Variants in PDE11A observed in about 807,000 individuals in gnomAD.
PDE11A encodes the protein phosphodiesterase 11A.
A neutral mutation model predicts 100.5 loss-of-function variants in PDE11A; 100 were observed. The ratio of observed to expected loss-of-function variants is 1.00; its 90% CI spans 0.85 to 1.18. PDE11A has a LOEUF of 1.18. Ranked by LOEUF, PDE11A falls within the 50% of genes most tolerant of loss-of-function variation. The probability of loss-of-function intolerance (pLI) is 0.00; values close to 1 mark genes in which losing one functional copy is unlikely to be tolerated. For missense variants in PDE11A, 1,141 were observed against 1,152.6 expected, an observed-to-expected ratio of 0.99 and a Z score of 0.15; for synonymous variants, 381 against 420.8, an observed-to-expected ratio of 0.91 and a Z score of 1.16.
At chr2:177,745,082 G>T (rs1165869005) in intron 10 of PDE11A, among the ~76,000 whole-genome samples, 2 of 152,050 alleles carry the variant, frequency 1.3e-5, no homozygotes, top group Admixed American at 1.3e-4. Flanking sequence ...ATTTTATATT[G>T]CCCCAGCATT....
intron 16 of PDE11A, among the ~76,000 whole-genome samples, chr2:177,678,147 T>C (rs2080807770): frequency 6.6e-6 from 1 of 152,214 alleles, no homozygotes; most frequent in Non-Finnish European, 1.5e-5. Flanking sequence ...AGAATGAAAG[T>C]ATCTCAAGTT....
chr2:177,870,491 C>T (rs1027671905), intron 5 of PDE11A, among the ~76,000 whole-genome samples: 63 of 152,320 alleles, frequency 4.1e-4, no homozygotes, highest in African/African-American at 1.5e-3. Context: ...GTCACTAAGA[C>T]ATCACTGGTA....
At chr2:177,683,924 T>C (rs2080904309) in intron 15 of PDE11A, among the ~76,000 whole-genome samples, 1 of 152,166 alleles carries the variant, frequency 6.6e-6, no homozygotes. Flanking sequence ...TCCAGCTTTG[T>C]AGTGAGAAAT....
chr2:177,688,373 C>G (rs915145846), intron 15 of PDE11A: 9 of 152,206 alleles, frequency 5.9e-5, no homozygotes, highest in African/African-American at 1.7e-4. Context: ...CTTTTGGGAA[C>G]AAGTTTGCCT....
At chr2:177,989,455 T>G (rs2105808672) in intron 2 of PDE11A, among the ~76,000 whole-genome samples, 1 of 152,322 alleles carries the variant, frequency 6.6e-6, no homozygotes, top group South Asian at 2.1e-4. Context: ...AGGATACTTT[T>G]TCTGTAAATT....
At chr2:177,980,058 T>C (rs575657151) in intron 2 of PDE11A, among the ~76,000 whole-genome samples, 1 of 150,650 alleles carries the variant, frequency 6.6e-6, no homozygotes, top group East Asian at 1.9e-4. Context: ...GCCCTCCTTC[T>C]TGAAACTCCT....
At chr2:177,944,128 T>C (rs2085375861) in intron 2 of PDE11A, among the ~76,000 whole-genome samples, 1 of 152,180 alleles carries the variant, frequency 6.6e-6, no homozygotes. Flanking sequence ...GCATGATTTA[T>C]TCTGGAATCT....
intron 5 of PDE11A, among the ~76,000 whole-genome samples, chr2:177,865,174 A>T (rs923493661): frequency 4.6e-5 from 7 of 151,992 alleles, no homozygotes; most frequent in Non-Finnish European, 7.4e-5. Context: ...GCTACTCAGG[A>T]GGGTGAGGCA....
At chr2:177,747,732 G>A (rs1364869465) in intron 10 of PDE11A, among the ~76,000 whole-genome samples, 2 of 152,130 alleles carry the variant, frequency 1.3e-5, no homozygotes, top group Non-Finnish European at 2.9e-5. Context: ...CGTATTGCCT[G>A]TAGCATTCGG....
At chr2:177,782,333 T>A (rs2082465621) in intron 9 of PDE11A, among the ~76,000 whole-genome samples, 1 of 152,194 alleles carries the variant, frequency 6.6e-6, no homozygotes, top group African/African-American at 2.4e-5. Flanking sequence ...ATGTGGGGTT[T>A]GTGTTTAAAC....
intron 1 of PDE11A, among the ~76,000 whole-genome samples, chr2:178,028,839 C>T (rs955484703): frequency 1.3e-5 from 2 of 152,150 alleles, no homozygotes; most frequent in African/African-American, 4.8e-5. Context: ...TTCTATAAAT[C>T]TCAATTCATT....
chr2:177,704,404 ATTT>A (rs2081248228), intron 13 of PDE11A, among the ~76,000 whole-genome samples: 1 of 151,860 alleles, frequency 6.6e-6, no homozygotes, highest in Non-Finnish European at 1.5e-5. Context: ...TGGATCCCTT[ATTT>A]ACACTATTAG....
chr2:177,811,834 G>A (rs1482894967), intron 9 of PDE11A, among the ~76,000 whole-genome samples: 2 of 152,192 alleles, frequency 1.3e-5, no homozygotes, highest in Non-Finnish European at 2.9e-5. Flanking sequence ...CCCTGGAGCA[G>A]CTGCACTTGC....
At chr2:178,000,250 T>C (rs1378509794) in intron 2 of PDE11A, among the ~76,000 whole-genome samples, 1 of 152,182 alleles carries the variant, frequency 6.6e-6, no homozygotes, top group Non-Finnish European at 1.5e-5. Flanking sequence ...TCCAAGTAGA[T>C]TTTCTAAATC....
At chr2:177,723,908 C>T (rs60466086) in intron 12 of PDE11A, among the ~76,000 whole-genome samples, 31 of 152,114 alleles carry the variant, frequency 2.0e-4, no homozygotes, top group East Asian at 3.9e-4. Context: ...GAGTCATTTC[C>T]GATATCTAGT....
At chr2:178,015,291 TAC>T (rs1336518069) in intron 1 of PDE11A, among the ~76,000 whole-genome samples, 1 of 152,152 alleles carries the variant, frequency 6.6e-6, no homozygotes, top group East Asian at 1.9e-4. Flanking sequence ...TCACCAAGAA[TAC>T]AGTGTTCTTG....
rs572550987 is a variant in PDE11A at position 177,624,029 on chromosome 2, C to T, written c.*5378G>A. The T allele has an allele frequency of 6.6e-5, 10 of 152,340 alleles. No individual in the cohort carries two copies. The highest frequency in any genetic ancestry group is 2.4e-4 in the African/African-American group (10 of 41,584). 9.4% of individuals were successfully genotyped at this position (152,340 alleles called of 1,614,324 possible). ...ATATGTTTTATTCTATTATTCTTCA[C>T]TTAGGAAGCTGGTGCAATTTTGGCC... On this transcript the variant is annotated 3_prime_UTR_variant, in exon 20 of 20. Transcript: ENST00000286063.
chr2:178,002,286 A>G (rs1852496), intron 2 of PDE11A, among the ~76,000 whole-genome samples: 76,786 of 152,020 alleles, frequency 0.51, 20,154 homozygotes, highest in East Asian at 0.71. Flanking sequence ...CATGGTGTCT[A>G]TGTATCACAT....
At chr2:177,765,233 G>C (rs1170694440) in intron 10 of PDE11A, among the ~76,000 whole-genome samples, 2 of 152,144 alleles carry the variant, frequency 1.3e-5, no homozygotes, top group Non-Finnish European at 2.9e-5. Flanking sequence ...AAAACATAAA[G>C]GAGTATGAAA....
Sources: gnomAD v4.1 joint callset for allele counts (sites outside exome capture counted in the v4.1 genomes callset) on GRCh38, gnomAD v4.1.1 for gene constraint, MANE v1.5 for transcripts, NCBI Gene and HGNC (gene_info 2026-07-23, HGNC 2026-07-21) for gene names.